Variants in CPEB1 observed in about 807,000 individuals in gnomAD.
CPEB1 encodes the protein cytoplasmic polyadenylation element-binding protein 1.
A neutral mutation model predicts 65.8 loss-of-function variants in CPEB1; 7 were observed. The ratio of observed to expected loss-of-function variants is 0.11; its 90% CI spans 0.06 to 0.20. The LOEUF (loss-of-function observed/expected upper bound fraction) is 0.20, where lower values mean the gene tolerates loss of function less well. Among genes scored for constraint, CPEB1 ranks in the 10% least tolerant of loss-of-function variants. The pLI, the probability that CPEB1 is intolerant of heterozygous loss-of-function variation, is 1.00. For missense variants in CPEB1, 551 were observed against 712.2 expected (o/e 0.77, Z 2.58); for synonymous variants, 262 against 260.0 (o/e 1.01, Z -0.08).
chr15:82,647,472 C>T (rs898005166), upstream of CPEB1: 8 of 183,718 alleles, frequency 4.4e-5, no homozygotes, highest in East Asian at 2.7e-4. Context: ...CCAGCGGCTT[C>T]GGGTCTCCCG....
chr15:82,628,258 G>C lies in CPEB1; in HGVS notation c.96+106C>G, dbSNP rs1429689734. 4.3e-6 allele frequency: 3 copies of C among 702,622 alleles called. No individual in the cohort carries two copies. The African/African-American group carries it at 5.2e-5, about 12-fold the overall frequency. The allele number at this position is 702,622 out of a possible 1,614,324, so 43.5% of individuals were successfully genotyped here. On this transcript the variant is annotated intron_variant, in intron 2 of 12. Transcript: ENST00000684509. The stretch of plus-strand genomic sequence containing the variant: ...TACATGACTTCACAGATTTACCACA[G>C]AGCCAATACAGGAAATCATGAAAGA...
At chr15:82,610,079 TTACTATGAATAATTA>T (rs2043986149) in intron 3 of CPEB1, among the ~76,000 whole-genome samples, 2 of 125,154 alleles carry the variant, frequency 1.6e-5, no homozygotes, top group African/African-American at 5.9e-5. Flanking sequence ...AAAAAAAAAA[TTACTATGAATAATTA>T]TATGCCTGCA....
At chr15:82,592,297 T>C (rs2151153405) in intron 3 of CPEB1, among the ~76,000 whole-genome samples, 1 of 152,210 alleles carries the variant, frequency 6.6e-6, no homozygotes, top group African/African-American at 2.4e-5. Flanking sequence ...CACATGGAAG[T>C]TGTTTTTAGG....
chr15:82,577,973 T>TA (rs1328843539), intron 3 of CPEB1, among the ~76,000 whole-genome samples: 1 of 151,930 alleles, frequency 6.6e-6, no homozygotes, highest in East Asian at 2.0e-4. Context: ...ACCCCGTCTC[T>TA]AATAAAAATA....
upstream of CPEB1, chr15:82,648,001 C>T (rs892429334): frequency 2.4e-5 from 16 of 677,062 alleles, no homozygotes; most frequent in East Asian, 4.0e-4. Flanking sequence ...TATGAAGCTC[C>T]TACGAGCCGC....
intron 4 of CPEB1, among the ~76,000 whole-genome samples, chr15:82,564,667 TCGCCA>T (rs756107703): frequency 6.6e-6 from 1 of 152,070 alleles, no homozygotes; most frequent in Non-Finnish European, 1.5e-5. Context: ...ACCCAGCCCA[TCGCCA>T]AAACAGAGGT....
chr15:82,646,637 G>A (rs587654964), intron 1 of CPEB1, among the ~76,000 whole-genome samples: 1 of 152,346 alleles, frequency 6.6e-6, no homozygotes, highest in Non-Finnish European at 1.5e-5. Flanking sequence ...GCGCCCAAGA[G>A]CCCAGGCGTC....
chr15:82,616,608 T>A (rs2151274883), intron 3 of CPEB1, among the ~76,000 whole-genome samples: 1 of 150,916 alleles, frequency 6.6e-6, no homozygotes, highest in South Asian at 2.1e-4. Flanking sequence ...AGTGGCATGA[T>A]CTCAGCTCAC....
rs1350470683 is a variant in CPEB1 at position 82,543,382 on chromosome 15, A to AGG, written c.*1208_*1209dup. ...ATGCAACGTCAGCTCAGCAGGAGGG[A>AGG]GGGGTTATGACACTGGTTCTTTGGC... is the stretch of plus-strand genomic sequence containing the variant. On this transcript the variant is annotated 3_prime_UTR_variant, in exon 13 of 13. Transcript: ENST00000684509. The AGG allele has an allele frequency of 6.8e-6, 1 of 146,116 alleles. No individual in the cohort carries two copies. Among genetic ancestry groups the AGG allele is most frequent in the Non-Finnish European group, 1.5e-5 (1 of 67,274 alleles). The allele number at this position is 146,116 out of a possible 1,614,324, so 9.1% of individuals were successfully genotyped here. A position where few individuals can be genotyped will look rare whatever the true frequency, so the allele number is the denominator to read the frequency against.
chr15:82,645,762 G>T (rs1459562227), intron 1 of CPEB1, among the ~76,000 whole-genome samples: 1 of 152,068 alleles, frequency 6.6e-6, no homozygotes, highest in African/African-American at 2.4e-5. Flanking sequence ...TAGCTACACA[G>T]GAGGCTGAGG....
intron 7 of CPEB1, 137 bp from the exon 8 acceptor site, chr15:82,553,693 G>A (rs528750700): frequency 2.8e-5 from 22 of 777,290 alleles, no homozygotes; most frequent in Non-Finnish European, 4.2e-5. Flanking sequence ...GCTGATCTCC[G>A]GTGTAAGCTC....
At chr15:82,571,553 G>A in intron 3 of CPEB1, 21 bp from the exon 4 acceptor site, 1 of 1,605,722 alleles carries the variant, frequency 6.2e-7, no homozygotes, top group Non-Finnish European at 8.5e-7. Context: ...AAGGAGCACA[G>A]CAGAAACCTC....
At chr15:82,549,829 G>T (rs1478239555) in intron 9 of CPEB1, among the ~76,000 whole-genome samples, 171 bp from the exon 10 acceptor site, 1 of 152,142 alleles carries the variant, frequency 6.6e-6, no homozygotes, top group Non-Finnish European at 1.5e-5. Flanking sequence ...AAACCACCCT[G>T]ACTCCACCCC....
At chr15:82,598,143 C>G (rs1325403420) in intron 3 of CPEB1, among the ~76,000 whole-genome samples, 2 of 152,220 alleles carry the variant, frequency 1.3e-5, no homozygotes, top group Admixed American at 1.3e-4. Flanking sequence ...TAAACCTACA[C>G]AGCATTTGCA....
intron 10 of CPEB1, among the ~76,000 whole-genome samples, 157 bp downstream of exon 10, chr15:82,549,303 C>A (rs1040425464): frequency 6.6e-6 from 1 of 152,260 alleles, no homozygotes; most frequent in Non-Finnish European, 1.5e-5. Context: ...AGGGCCAGTA[C>A]TCGTGACTTG....
chr15:82,613,378 GGTTT>G (rs938014616), intron 3 of CPEB1, among the ~76,000 whole-genome samples: 3 of 151,976 alleles, frequency 2.0e-5, no homozygotes, highest in African/African-American at 7.3e-5. Context: ...TTTTCTTGGG[GGTTT>G]TTTTGTTTTG....
Position 82,552,469 on chromosome 15 carries a change from C to A in CPEB1, c.1281+11G>T, listed in dbSNP as rs200960776. ...GACCCTCGATCCAGAAAGGACATCA[C>A]GCTAACTCACCTCCTTGCAGCGCAT... On this transcript the variant is annotated intron_variant, in intron 9 of 12. Coordinates refer to ENST00000684509, the MANE Select transcript of CPEB1 (RefSeq NM_001365242.1). 15 of 1,553,396 alleles carry A rather than the reference C, an allele frequency of 9.7e-6. No individual in the cohort carries two copies. The highest frequency in any genetic ancestry group is 1.3e-5 in the Non-Finnish European group (15 of 1,154,698).
chr15:82,586,982 AT>A (rs1480122889), intron 3 of CPEB1, among the ~76,000 whole-genome samples: 4 of 152,200 alleles, frequency 2.6e-5, no homozygotes, highest in African/African-American at 9.6e-5. Context: ...AGGAATTGCA[AT>A]TGTCTTTAAG....
At chr15:82,592,534 C>T (rs28752232) in intron 3 of CPEB1, among the ~76,000 whole-genome samples, 1,694 of 148,166 alleles carry the variant, frequency 0.011, 28 homozygotes, top group African/African-American at 0.041. Flanking sequence ...GCCAAGATTA[C>T]ACTACTGCAC....
Sources: gnomAD v4.1 joint callset for allele counts (sites outside exome capture counted in the v4.1 genomes callset) on GRCh38, gnomAD v4.1.1 for gene constraint, MANE v1.5 for transcripts, NCBI Gene and HGNC (gene_info 2026-07-23, HGNC 2026-07-21) for gene names.